Variants in MICAL2 observed in about 807,000 individuals in gnomAD.
The protein encoded by MICAL2 is microtubule associated monooxygenase, calponin and LIM domain containing 2, also known as [F-actin]-monooxygenase MICAL2.
A neutral mutation model predicts 127.3 loss-of-function variants in MICAL2; 77 were observed. That is an observed-to-expected ratio of 0.60 (90% CI 0.50 to 0.73). MICAL2 has a LOEUF of 0.73. Among genes scored for constraint, MICAL2 ranks in the 30% least tolerant of loss-of-function variants. The pLI is 0.00. For synonymous variants in MICAL2, 570 were observed against 551.1 expected (o/e 1.03, Z -0.48); for missense variants, 1,351 against 1,434.4 (o/e 0.94, Z 0.94).
intron 11 of MICAL2, among the ~76,000 whole-genome samples, chr11:12,223,063 C>A (rs1857010410): frequency 6.6e-6 from 1 of 152,138 alleles, no homozygotes; most frequent in African/African-American, 2.4e-5. Flanking sequence ...CTCTGCATAC[C>A]ACCCTTGGTC....
chr11:12,227,363 G>A (rs770442752), intron 15 of MICAL2, among the ~76,000 whole-genome samples: 4 of 152,302 alleles, frequency 2.6e-5, no homozygotes, highest in South Asian at 4.1e-4. Flanking sequence ...ACATGGTAGC[G>A]AGCTGATAGA....
downstream of MICAL2, chr11:12,294,811 TC>T: frequency 6.7e-7 from 1 of 1,499,534 alleles, no homozygotes; most frequent in Non-Finnish European, 8.8e-7. Context: ...CTCCTCCTCC[TC>T]CTCCTCCTCC....
rs746012311 is a variant in MICAL2 at position 12,226,035 on chromosome 11, T to TCA, written c.1689-134_1689-133dup. 120 of 761,240 alleles carry TCA rather than the reference T, an allele frequency of 1.6e-4. 1 individual carries two copies. The highest frequency in any genetic ancestry group is 1.3e-4 in the Non-Finnish European group (57 of 449,474). 47.2% of individuals were successfully genotyped at this position (761,240 alleles called of 1,614,324 possible). A position where few individuals can be genotyped will look rare whatever the true frequency, so the allele number is the denominator to read the frequency against. ...TGAGAACTGGGAGTAGGGGCTGGGGTCACTATTCCTCCCCTGTAACCTGCC... is the reference window on the plus strand; with the variant it reads ...TGAGAACTGGGAGTAGGGGCTGGGGTCACACTATTCCTCCCCTGTAACCTGCC... On this transcript the variant is annotated intron_variant, in intron 13 of 27. Coordinates refer to ENST00000683283, the MANE Select transcript of MICAL2 (RefSeq NM_001282663.2).
chr11:12,332,479 A>T (rs1938660437), intron 32 of MICAL2, among the ~76,000 whole-genome samples: 1 of 152,228 alleles, frequency 6.6e-6, no homozygotes, highest in Admixed American at 6.5e-5. Flanking sequence ...GAGTAATAAG[A>T]CTTCAAAGTG....
chr11:12,252,287 G>A (rs1441329213), intron 22 of MICAL2, among the ~76,000 whole-genome samples: 1 of 152,220 alleles, frequency 6.6e-6, no homozygotes, highest in Non-Finnish European at 1.5e-5. Flanking sequence ...GGAAATGGCA[G>A]ACAGTATGCT....
chr11:12,207,359 G>A (rs1422731485), intron 4 of MICAL2, among the ~76,000 whole-genome samples: 1 of 152,192 alleles, frequency 6.6e-6, no homozygotes, highest in East Asian at 1.9e-4. Context: ...AAATACAGAA[G>A]GGCCCACAGA....
chr11:12,319,760 C>T (rs1409837368), exon 30 of MICAL2: 1 of 1,614,146 alleles, frequency 6.2e-7, no homozygotes, highest in Non-Finnish European at 8.5e-7. Flanking sequence ...CTTCAACCTC[C>T]TCCTCCTCTG....
chr11:12,248,555 G>A (rs977994963), intron 21 of MICAL2, among the ~76,000 whole-genome samples: 1 of 152,196 alleles, frequency 6.6e-6, no homozygotes, highest in Admixed American at 6.5e-5. Context: ...GAGGGGTGGG[G>A]GCCTTCACTG....
Position 12,204,272 on chromosome 11 carries a change from C to G in MICAL2, c.287C>G (p.Pro96Arg). Residue 96 changes from proline to arginine, a missense_variant, in exon 4 of 28, where the codon CCC becomes CGC. Physicochemically the swap from Pro to Arg is moderately radical, Grantham distance 103. Around this residue, in one of 2 missense-constraint regions of MICAL2, gnomAD observed 599 missense variants for 714.9 expected, o/e 0.84. Transcript: ENST00000683283. ...CAGTGTCTCATAGTTGGGGGAGGAC[C>G]CTGTGGCTTGCGCACTGCCATTGAA... ...NTKCLIVGGG[P>R]CGLRTAIELA... 6.2e-7 allele frequency: 1 copy of G among 1,614,016 alleles called. No homozygotes were observed. The highest frequency in any genetic ancestry group is 1.1e-5 in the South Asian group (1 of 91,074).
intron 25 of MICAL2, 129 bp downstream of exon 25, chr11:12,258,685 G>T (rs1862665824): frequency 1.3e-6 from 1 of 796,808 alleles, no homozygotes; most frequent in Admixed American, 2.7e-5. Flanking sequence ...AAAGAAGAAA[G>T]CCTCTGCTTC....
At chr11:12,213,230 C>T in intron 6 of MICAL2, 25 bp from the exon 7 acceptor site, 1 of 1,583,104 alleles carries the variant, frequency 6.3e-7, no homozygotes, top group Non-Finnish European at 8.6e-7. Context: ...AAGATAGACC[C>T]ACTTTTTCAT....
intron 3 of MICAL2, among the ~76,000 whole-genome samples, chr11:12,175,482 A>T (rs545197462): frequency 1.3e-5 from 2 of 151,986 alleles, no homozygotes; most frequent in East Asian, 3.9e-4. Flanking sequence ...GGTCGAAAAC[A>T]AAAAAAAGAA....
At chr11:12,177,468 G>C (rs1189207091) in intron 3 of MICAL2, among the ~76,000 whole-genome samples, 2 of 152,170 alleles carry the variant, frequency 1.3e-5, no homozygotes, top group East Asian at 3.8e-4. Context: ...TGTGTTGATA[G>C]TGTTCTTTGT....
chr11:12,352,952 A>G (rs4547075), intron 33 of MICAL2, among the ~76,000 whole-genome samples: 80,083 of 151,590 alleles, frequency 0.53, 21,302 homozygotes, highest in Non-Finnish European at 0.56. Context: ...CTCTCTGCCC[A>G]GTCTGCATGA....
In MICAL2 at chr11:12,239,455, G is replaced by A. The variant is rs143547096; in HGVS notation, c.2084G>A (p.Arg695His). Residue 695 changes from arginine to histidine, a missense_variant, in exon 17 of 28, where the codon CGT becomes CAT. Around this residue, in one of 2 missense-constraint regions of MICAL2, gnomAD observed 752 missense variants for 719.4 expected, o/e 1.05. Coordinates refer to ENST00000683283, the MANE Select transcript of MICAL2 (RefSeq NM_001282663.2). ...TTGCAGCCTTCAAACTTTTCCAGCC[G>A]TAGCTTGGGCTCCAATCAAGAGTGT... ...NLDEPSNFSS[R>H]SLGSNQECGS... 1.6e-4 allele frequency: 263 copies of A among 1,614,150 alleles called. 1 individual carries two copies. Among genetic ancestry groups the A allele is most frequent in the South Asian group, 8.1e-4 (74 of 91,066 alleles).
rs1855362194 is a variant in MICAL2 at position 12,165,277 on chromosome 11, G to A, written c.264+2858G>A. Among the ~76,000 whole-genome samples the A allele has an allele frequency of 2.6e-5, 4 of 152,196 alleles. No homozygotes were observed. The South Asian group carries it at 6.2e-4, about 24-fold the overall frequency. On this transcript the variant is annotated intron_variant, in intron 3 of 27. Transcript: ENST00000683283. ...GGCATATCACATTCATGTGTGGGTG[G>A]TTAATGGCCAGCTCCATGAGGCCGG...
chr11:12,151,750 C>T lies in MICAL2; in HGVS notation c.-77-10329C>T, dbSNP rs369133856. 4.2e-4 allele frequency among the ~76,000 whole-genome samples: 64 copies of T among 152,196 alleles called. No homozygotes were observed. The Middle Eastern group carries it at 0.017, about 40-fold the overall frequency. ...ATGGGTCGGTCTTAGAAGTGGCATGCGCCACTCCTGCTTGGATTCCATGAC... is the reference window on the plus strand; with the variant it reads ...ATGGGTCGGTCTTAGAAGTGGCATGTGCCACTCCTGCTTGGATTCCATGAC... On this transcript the variant is annotated intron_variant, in intron 2 of 27. Coordinates refer to ENST00000683283, the MANE Select transcript of MICAL2 (RefSeq NM_001282663.2).
intron 3 of MICAL2, among the ~76,000 whole-genome samples, chr11:12,169,116 G>T (rs746429752): frequency 1.3e-5 from 2 of 151,882 alleles, no homozygotes; most frequent in African/African-American, 2.4e-5. Flanking sequence ...CTAGAGGCAA[G>T]TACTCTCCCA....
intron 2 of MICAL2, 24 bp from the exon 3 acceptor site, chr11:12,162,055 C>A: frequency 6.5e-7 from 1 of 1,543,066 alleles, no homozygotes; most frequent in East Asian, 2.3e-5. Flanking sequence ...CAAAGCTGAC[C>A]TCTGCCTCCC....
Sources: allele counts gnomAD v4.1 joint callset (sites outside exome capture counted in the v4.1 genomes callset), GRCh38; gene constraint gnomAD v4.1.1; regional missense constraint gnomAD v4.1.1; transcripts MANE v1.5; gene names NCBI Gene and HGNC (gene_info 2026-07-23, HGNC 2026-07-21).